Variants in ZFPM2 observed in about 807,000 individuals in gnomAD.
ZFPM2 encodes zinc finger protein ZFPM2.
Under a neutral mutation model 98.6 loss-of-function variants are expected in ZFPM2, and 20 were observed. The ratio of observed to expected loss-of-function variants is 0.20; its 90% confidence interval spans 0.14 to 0.29. ZFPM2 has a LOEUF of 0.29. Among genes scored for constraint, ZFPM2 ranks in the 10% least tolerant of loss-of-function variants. ZFPM2 has a pLI of 1.00. For synonymous variants in ZFPM2, 518 were observed against 502.7 expected (o/e 1.03, Z -0.41); for missense variants, 1,310 against 1,388.6 (o/e 0.94, Z 0.90).
At chr8:105,424,967 A>G (rs1811877175) in intron 2 of ZFPM2, among the ~76,000 whole-genome samples, 1 of 152,218 alleles carries the variant, frequency 6.6e-6, no homozygotes, top group African/African-American at 2.4e-5. Context: ...CACACATGCT[A>G]TTTCATAAAG....
chr8:105,471,413 A>G (rs1373597793), intron 3 of ZFPM2, among the ~76,000 whole-genome samples: 1 of 152,186 alleles, frequency 6.6e-6, no homozygotes, highest in African/African-American at 2.4e-5. Context: ...TCAAAATCCC[A>G]TGGAACACCA....
At chr8:105,431,839 G>C (rs1812025883) in intron 2 of ZFPM2, among the ~76,000 whole-genome samples, 1 of 150,854 alleles carries the variant, frequency 6.6e-6, no homozygotes, top group Admixed American at 6.7e-5. Context: ...AGAGTTGCTT[G>C]GGCCTGGGAG....
intron 5 of ZFPM2, among the ~76,000 whole-genome samples, chr8:105,679,428 A>G (rs1810550342): frequency 6.6e-6 from 1 of 151,886 alleles, no homozygotes; most frequent in South Asian, 2.1e-4. Flanking sequence ...TGTTGTTTAT[A>G]AAAGCACTTT....
At chr8:105,647,957 TC>T (rs1467594922) in intron 5 of ZFPM2, among the ~76,000 whole-genome samples, 2 of 152,170 alleles carry the variant, frequency 1.3e-5, no homozygotes, top group Admixed American at 6.5e-5. Context: ...CACCACACTG[TC>T]TTTCACAATG....
intron 5 of ZFPM2, among the ~76,000 whole-genome samples, chr8:105,721,318 A>G (rs1338406110): frequency 6.6e-6 from 1 of 151,986 alleles, no homozygotes. Flanking sequence ...CACTGTTCAC[A>G]TATCCCAGTT....
In ZFPM2 at chr8:105,487,414, C is replaced by A. The variant is rs73302196; in HGVS notation, c.301+43033C>A. The stretch of plus-strand genomic sequence containing the variant: ...GATTACAGGTGTGAGCCACCATATC[C>A]AGCCACAATATGTCATATTATACAT... On this transcript the variant is annotated intron_variant, in intron 3 of 7. Coordinates refer to ENST00000407775, the MANE Select transcript of ZFPM2 (RefSeq NM_012082.4). 7.4e-3 allele frequency among the ~76,000 whole-genome samples: 1,122 copies of A among 152,262 alleles called. 12 individuals are homozygous for A. The highest frequency in any genetic ancestry group is 0.025 in the African/African-American group (1,050 of 41,538).
chr8:105,452,479 G>T (rs1295634470), intron 3 of ZFPM2, among the ~76,000 whole-genome samples: 1 of 151,682 alleles, frequency 6.6e-6, no homozygotes, highest in African/African-American at 2.4e-5. Context: ...CAGGCATGGT[G>T]TCTCATGCCT....
intron 5 of ZFPM2, among the ~76,000 whole-genome samples, chr8:105,770,930 C>T (rs1449159027): frequency 6.6e-6 from 1 of 152,122 alleles, no homozygotes; most frequent in East Asian, 1.9e-4. Flanking sequence ...CTTATCTTTC[C>T]TCTAGGGAGC....
chr8:105,400,352 C>G (rs959008072), intron 1 of ZFPM2, among the ~76,000 whole-genome samples: 1 of 151,766 alleles, frequency 6.6e-6, no homozygotes, highest in Admixed American at 6.6e-5. Context: ...CATGCTGGTG[C>G]ACTGCACCCA....
At chr8:105,746,179 T>G (rs1812339412) in intron 5 of ZFPM2, among the ~76,000 whole-genome samples, 1 of 151,894 alleles carries the variant, frequency 6.6e-6, no homozygotes, top group Non-Finnish European at 1.5e-5. Context: ...TGTGGCTTAT[T>G]CGAGGAAAGT....
At chr8:105,636,810 C>T (rs1816855789) in intron 5 of ZFPM2, among the ~76,000 whole-genome samples, 1 of 152,170 alleles carries the variant, frequency 6.6e-6, no homozygotes, top group Non-Finnish European at 1.5e-5. Flanking sequence ...GGTAATTTGG[C>T]ATCGTTCAAC....
At chr8:105,525,462 T>A (rs1408736724) in intron 3 of ZFPM2, among the ~76,000 whole-genome samples, 3 of 152,194 alleles carry the variant, frequency 2.0e-5, no homozygotes, top group African/African-American at 7.2e-5. Context: ...ATGAAAATAG[T>A]AGGCTCATTT....
At chr8:105,505,166 A>C (rs1813674301) in intron 3 of ZFPM2, among the ~76,000 whole-genome samples, 1 of 152,190 alleles carries the variant, frequency 6.6e-6, no homozygotes, top group African/African-American at 2.4e-5. Flanking sequence ...AAAATGAAAG[A>C]AATTGTATCT....
chr8:105,674,037 A>C (rs1281479517), intron 5 of ZFPM2, among the ~76,000 whole-genome samples: 1 of 152,220 alleles, frequency 6.6e-6, no homozygotes, highest in South Asian at 2.1e-4. Flanking sequence ...TTAGTTATGC[A>C]GTGGTGTAGC....
At chr8:105,573,844 C>A (rs909670398) in intron 4 of ZFPM2, among the ~76,000 whole-genome samples, 1 of 152,024 alleles carries the variant, frequency 6.6e-6, no homozygotes, top group Non-Finnish European at 1.5e-5. Context: ...TCAGAACAGC[C>A]TGATTCTAGT....
At chr8:105,402,378 A>G (rs556843719) in intron 1 of ZFPM2, among the ~76,000 whole-genome samples, 12 of 152,074 alleles carry the variant, frequency 7.9e-5, no homozygotes, top group Admixed American at 7.2e-4. Flanking sequence ...TATTGAATGT[A>G]TTATTAATTC....
At chr8:105,730,776 C>CTT (rs201573898) in intron 5 of ZFPM2, among the ~76,000 whole-genome samples, 15 of 124,386 alleles carry the variant, frequency 1.2e-4, no homozygotes, top group East Asian at 6.8e-4. Context: ...TTTCTTTTTT[C>CTT]TTTTTTTTTT....
At chr8:105,440,880 G>A (rs1402808012) in intron 2 of ZFPM2, among the ~76,000 whole-genome samples, 3 of 152,142 alleles carry the variant, frequency 2.0e-5, no homozygotes, top group Admixed American at 1.3e-4. Context: ...GGACGGGAGC[G>A]GTGGCTCACG....
At chr8:105,414,687 C>T (rs1271027982) in intron 1 of ZFPM2, among the ~76,000 whole-genome samples, 1 of 151,738 alleles carries the variant, frequency 6.6e-6, no homozygotes, top group East Asian at 1.9e-4. Context: ...TTTTCTTTAG[C>T]CCCCTGAAAT....
Sources: allele counts gnomAD v4.1 joint callset (sites outside exome capture counted in the v4.1 genomes callset), GRCh38; gene constraint gnomAD v4.1.1; transcripts MANE v1.5; gene names NCBI Gene and HGNC (gene_info 2026-07-23, HGNC 2026-07-21).